Variants in MCPH1 observed in about 807,000 individuals in gnomAD.
MCPH1 encodes the protein microcephalin 1.
Under a neutral mutation model 84.5 loss-of-function variants are expected in MCPH1, and 104 were observed. That is an observed-to-expected ratio of 1.23 (90% CI 1.05 to 1.45). The LOEUF (loss-of-function observed/expected upper bound fraction) is 1.45. Among genes scored for constraint, MCPH1 ranks in the 40% most tolerant of loss-of-function variants. The pLI, the probability that MCPH1 is intolerant of heterozygous loss-of-function variation, is 0.00. For synonymous variants in MCPH1, 514 were observed against 366.8 expected (o/e 1.40, Z -4.58); for missense variants, 1,498 against 1,005.7 (o/e 1.49, Z -6.62).
intron 3 of MCPH1, among the ~76,000 whole-genome samples, chr8:6,426,870 C>T (rs1801136367): frequency 6.6e-6 from 1 of 152,130 alleles, no homozygotes; most frequent in South Asian, 2.1e-4. Flanking sequence ...TCATATGCTA[C>T]ACAATTTGTC....
intron 12 of MCPH1, among the ~76,000 whole-genome samples, chr8:6,611,653 C>G (rs750183506): frequency 6.6e-6 from 1 of 152,046 alleles, no homozygotes; most frequent in Non-Finnish European, 1.5e-5. Context: ...TAGTCTCACT[C>G]TGTCTCCCAG....
At chr8:6,429,128 G>A (rs557007841) in intron 3 of MCPH1, among the ~76,000 whole-genome samples, 44 of 152,174 alleles carry the variant, frequency 2.9e-4, no homozygotes, top group Non-Finnish European at 1.0e-4. Flanking sequence ...TGGTTAAATC[G>A]GTAGTTTATG....
chr8:6,492,389 G>A (rs71448993), intron 11 of MCPH1, among the ~76,000 whole-genome samples: 1 of 151,810 alleles, frequency 6.6e-6, no homozygotes, highest in African/African-American at 2.4e-5. Context: ...TGTCAGATGA[G>A]TAGATTGCAA....
chr8:6,633,018 T>C (rs1293327578), intron 13 of MCPH1, among the ~76,000 whole-genome samples: 1 of 140,004 alleles, frequency 7.1e-6, no homozygotes, highest in Non-Finnish European at 1.6e-5. Flanking sequence ...TGCCGAGTAA[T>C]GATTTAAAAA....
intron 8 of MCPH1, among the ~76,000 whole-genome samples, chr8:6,451,880 C>G (rs1252557997): frequency 6.6e-6 from 1 of 152,178 alleles, no homozygotes; most frequent in African/African-American, 2.4e-5. Flanking sequence ...GCCTTTTCAA[C>G]CCTTGACTCT....
intron 12 of MCPH1, among the ~76,000 whole-genome samples, chr8:6,583,406 G>C (rs2515525): frequency 6.6e-6 from 1 of 152,030 alleles, no homozygotes; most frequent in African/African-American, 2.4e-5. Flanking sequence ...CTTTTCTTGC[G>C]CTGCAAGGCA....
At chr8:6,631,729 G>A (rs28714299) in intron 13 of MCPH1, among the ~76,000 whole-genome samples, 5 of 151,656 alleles carry the variant, frequency 3.3e-5, no homozygotes, top group African/African-American at 1.2e-4. Context: ...TCTGCCTCAT[G>A]TAATGTTGGG....
At chr8:6,559,925 AT>A (rs746051216) in intron 12 of MCPH1, among the ~76,000 whole-genome samples, 8 of 152,184 alleles carry the variant, frequency 5.3e-5, no homozygotes, top group Non-Finnish European at 1.2e-4. Context: ...TTCCATTCAT[AT>A]TCCTCTGAGT....
chr8:6,581,603 G>T (rs1827571854), intron 12 of MCPH1, among the ~76,000 whole-genome samples: 1 of 152,192 alleles, frequency 6.6e-6, no homozygotes, highest in Non-Finnish European at 1.5e-5. Flanking sequence ...CAGTTAGGAA[G>T]TTACATGAAG....
At chr8:6,527,679 A>G (rs1240104971) in intron 12 of MCPH1, 4 of 1,597,778 alleles carry the variant, frequency 2.5e-6, no homozygotes, top group African/African-American at 1.4e-5. Flanking sequence ...TTTAATACCT[A>G]AATGTAACAA....
chr8:6,585,279 G>A (rs1281228694), intron 12 of MCPH1, among the ~76,000 whole-genome samples: 1 of 152,182 alleles, frequency 6.6e-6, no homozygotes, highest in Non-Finnish European at 1.5e-5. Flanking sequence ...CATATTACAC[G>A]TGAAGCAGGA....
intron 12 of MCPH1, among the ~76,000 whole-genome samples, chr8:6,620,564 C>T (rs1215034029): frequency 6.6e-6 from 1 of 152,138 alleles, no homozygotes; most frequent in African/African-American, 2.4e-5. Flanking sequence ...ATCCCTTCCC[C>T]GAAATACATC....
chr8:6,585,551 T>C (rs150591209), intron 12 of MCPH1, among the ~76,000 whole-genome samples: 2 of 152,386 alleles, frequency 1.3e-5, no homozygotes, highest in African/African-American at 4.8e-5. Context: ...TCCCAAGGTT[T>C]ACCTCTCTAA....
chr8:6,608,258 G>C (rs769283034), intron 12 of MCPH1, among the ~76,000 whole-genome samples: 3 of 152,092 alleles, frequency 2.0e-5, no homozygotes, highest in African/African-American at 7.2e-5. Context: ...GCTGGTGGCA[G>C]GGGGGCTGAG....
chr8:6,466,632 G>A (rs954063640), intron 9 of MCPH1, among the ~76,000 whole-genome samples: 2 of 151,674 alleles, frequency 1.3e-5, no homozygotes, highest in African/African-American at 4.8e-5. Flanking sequence ...AGTAGAGACA[G>A]GGTTTCACCG....
intron 11 of MCPH1, among the ~76,000 whole-genome samples, chr8:6,487,943 A>C (rs560565431): frequency 9.2e-5 from 14 of 152,376 alleles, no homozygotes; most frequent in African/African-American, 3.1e-4. Flanking sequence ...TGGATCTTAG[A>C]AACACATCTC....
chr8:6,572,948 A>G (rs1245741815), intron 12 of MCPH1, among the ~76,000 whole-genome samples: 7 of 152,268 alleles, frequency 4.6e-5, no homozygotes, highest in Admixed American at 4.6e-4. Flanking sequence ...TTTAAGAAGA[A>G]CATACTCTGC....
chr8:6,604,324 A>C (rs1469513750), intron 12 of MCPH1, among the ~76,000 whole-genome samples: 1 of 152,218 alleles, frequency 6.6e-6, no homozygotes, highest in Non-Finnish European at 1.5e-5. Context: ...CAACAGAAGA[A>C]CTTTTGACCG....
Position 6,621,622 on chromosome 8 carries a change from A to T in MCPH1, c.2383A>T (p.Ile795Phe), listed in dbSNP as rs750857233. ...RVSQVPRQAS[I>F]VIGPYSGKKK... ...CAGCCAAGTCCCCCGCCAGGCCAGCATCGTCATCGGGCCCTACAGCGGAAA... is the reference window on the plus strand; with the variant it reads ...CAGCCAAGTCCCCCGCCAGGCCAGCTTCGTCATCGGGCCCTACAGCGGAAA... Residue 795 changes from isoleucine (I) to phenylalanine (F), a missense_variant, in exon 13 of 14, where the codon ATC (isoleucine) becomes TTC (phenylalanine). Transcript: ENST00000344683. 6.2e-7 allele frequency: 1 copy of T among 1,614,096 alleles called. No homozygotes were observed. The highest frequency in any genetic ancestry group is 1.3e-5 in the African/African-American group (1 of 74,944).
Sources: allele counts gnomAD v4.1 joint callset (sites outside exome capture counted in the v4.1 genomes callset), GRCh38; gene constraint gnomAD v4.1.1; transcripts MANE v1.5; gene names NCBI Gene and HGNC (gene_info 2026-07-23, HGNC 2026-07-21).